SLC7A9: variants seen among roughly 807,000 people sequenced by gnomAD.
SLC7A9 encodes B(0,+)-type amino acid transporter 1.
SLC7A9 carries 38 observed loss-of-function variants against 54.1 expected under a neutral mutation model. The observed-to-expected ratio is 0.70, with a 90% confidence interval of 0.54 to 0.92. The LOEUF (loss-of-function observed/expected upper bound fraction) is 0.92, where lower values mean the gene tolerates loss of function less well. Ranked by LOEUF, SLC7A9 falls within the 40% of genes least tolerant of loss-of-function variation. The pLI, the probability that SLC7A9 is intolerant of heterozygous loss-of-function variation, is 0.00. For missense variants in SLC7A9, 537 were observed against 636.1 expected (o/e 0.84, Z 1.68); for synonymous variants, 264 against 258.9 (o/e 1.02, Z -0.19).
intron 9 of SLC7A9, 24 bp from the exon 10 acceptor site, chr19:32,843,975 C>T (rs1357516883): frequency 1.3e-6 from 2 of 1,559,562 alleles, no homozygotes; most frequent in Non-Finnish European, 1.8e-6. Flanking sequence ...ACACGGGAGT[C>T]CGCTGACCAG....
At chr19:32,864,601 G>A (rs1453028947) in intron 3 of SLC7A9, 28 bp downstream of exon 3, 2 of 1,610,966 alleles carry the variant, frequency 1.2e-6, no homozygotes, top group Middle Eastern at 1.7e-4. Context: ...TGCTTCCGGG[G>A]CTGCAACAGG....
At chr19:32,861,635 G>T (rs1334716507) in intron 6 of SLC7A9, among the ~76,000 whole-genome samples, 1 of 152,078 alleles carries the variant, frequency 6.6e-6, no homozygotes, top group Non-Finnish European at 1.5e-5. Context: ...AACACAGAGA[G>T]ACTGTCTCTA....
chr19:32,869,505 C>A (rs1334398921), intron 1 of SLC7A9, among the ~76,000 whole-genome samples, 181 bp downstream of exon 1: 1 of 152,192 alleles, frequency 6.6e-6, no homozygotes, highest in Non-Finnish European at 1.5e-5. Context: ...AGCCACCACG[C>A]CTGGCCAGGT....
intron 11 of SLC7A9, 40 bp from the exon 12 acceptor site, chr19:32,833,363 T>C: frequency 6.2e-7 from 1 of 1,609,026 alleles, no homozygotes; most frequent in Non-Finnish European, 8.5e-7. Context: ...CATTTTCTTT[T>C]TGAAATTTTT....
At chr19:32,844,321 G>A (rs1279189561) in intron 9 of SLC7A9, among the ~76,000 whole-genome samples, 1 of 152,058 alleles carries the variant, frequency 6.6e-6, no homozygotes, top group East Asian at 1.9e-4. Context: ...TTTGTGTTGG[G>A]AACATTCAAT....
intron 11 of SLC7A9, among the ~76,000 whole-genome samples, chr19:32,838,686 T>C (rs1968037073): frequency 7.3e-6 from 1 of 137,356 alleles, no homozygotes; most frequent in African/African-American, 2.6e-5. Context: ...TTTAAAGATA[T>C]TATATATGTA....
chr19:32,838,765 ACATATATG>A (rs1177841974), intron 11 of SLC7A9, among the ~76,000 whole-genome samples: 1 of 148,350 alleles, frequency 6.7e-6, no homozygotes, highest in South Asian at 2.1e-4. Context: ...ATACATATAT[ACATATATG>A]CACATATATA....
At chr19:32,837,491 TCAAAAA>T (rs1967992780) in intron 11 of SLC7A9, among the ~76,000 whole-genome samples, 1 of 19,500 alleles carries the variant, frequency 5.1e-5, no homozygotes, top group Non-Finnish European at 7.4e-5. Flanking sequence ...AGATTCCATC[TCAAAAA>T]AAAAAAAAAA....
At chr19:32,853,259 C>G (rs1255982282) in intron 9 of SLC7A9, among the ~76,000 whole-genome samples, 2 of 152,046 alleles carry the variant, frequency 1.3e-5, no homozygotes, top group Non-Finnish European at 2.9e-5. Flanking sequence ...GTTATAGAGA[C>G]AGAAGTAGAT....
At chr19:32,863,658 G>T (rs1028779203) in intron 4 of SLC7A9, among the ~76,000 whole-genome samples, 64 of 152,242 alleles carry the variant, frequency 4.2e-4, no homozygotes, top group African/African-American at 1.5e-3. Context: ...ACTGCCTGCG[G>T]CCCACCCCTA....
intron 12 of SLC7A9, among the ~76,000 whole-genome samples, chr19:32,832,359 G>T (rs1599647019): frequency 6.6e-6 from 1 of 151,908 alleles, no homozygotes; most frequent in South Asian, 2.1e-4. Flanking sequence ...GGCCGAGGTG[G>T]GTGGATCACC....
At chr19:32,860,747 A>T in intron 6 of SLC7A9, 97 bp from the exon 7 acceptor site, 1 of 1,507,048 alleles carries the variant, frequency 6.6e-7, no homozygotes, top group South Asian at 1.2e-5. Flanking sequence ...AAGATTCTCT[A>T]CCAGAGAAAA....
intron 11 of SLC7A9, among the ~76,000 whole-genome samples, chr19:32,839,694 A>G (rs1968075645): frequency 6.6e-6 from 1 of 152,152 alleles, no homozygotes; most frequent in African/African-American, 2.4e-5. Context: ...AGTAGTTTAA[A>G]TATGTTGCTC....
At chr19:32,843,983 C>T (rs62124974) in intron 9 of SLC7A9, 32 bp from the exon 10 acceptor site, 3 of 1,505,732 alleles carry the variant, frequency 2.0e-6, no homozygotes, top group African/African-American at 1.4e-5. Flanking sequence ...GTCCGCTGAC[C>T]AGAGTGCAGA....
intron 9 of SLC7A9, among the ~76,000 whole-genome samples, chr19:32,853,317 TGAG>T (rs1358141168): frequency 6.6e-6 from 1 of 152,168 alleles, no homozygotes; most frequent in Non-Finnish European, 1.5e-5. Context: ...AATTAGGCAA[TGAG>T]GAAACTTTTT....
chr19:32,862,007 TC>T (rs1968813010), intron 6 of SLC7A9, 110 bp downstream of exon 6: 1 of 794,682 alleles, frequency 1.3e-6, no homozygotes. Context: ...AATGTCAGAG[TC>T]ACACCAAACC....
Position 32,859,823 on chromosome 19 carries a change from C to G in SLC7A9, c.873+18G>C. 3.1e-6 allele frequency: 5 copies of G among 1,602,632 alleles called. No individual in the cohort carries two copies. Among genetic ancestry groups the G allele is most frequent in the Non-Finnish European group, 4.3e-6 (5 of 1,169,554 alleles). On this transcript the variant is annotated intron_variant, in intron 8 of 12. Coordinates refer to ENST00000023064, the MANE Select transcript of SLC7A9 (RefSeq NM_014270.5). The stretch of plus-strand genomic sequence containing the variant: ...CACAAGCCACAGCCCCCGCCAGCAG[C>G]GATGCCCGGGCACTCACCACAGCCA...
At chr19:32,854,744 T>C (rs1599674319) in intron 9 of SLC7A9, among the ~76,000 whole-genome samples, 1 of 152,156 alleles carries the variant, frequency 6.6e-6, no homozygotes, top group East Asian at 1.9e-4. Flanking sequence ...TCTGCCACCA[T>C]GCCCCACTAA....
Position 32,854,587 on chromosome 19 carries a change from TTTG to T in SLC7A9, c.977+3850_977+3852del, listed in dbSNP as rs577048365. On this transcript the variant is annotated intron_variant, in intron 9 of 12. Transcript: ENST00000023064. The stretch of plus-strand genomic sequence containing the variant: ...GTAACATTGGTCTGGGCAATGATTT[TTTG>T]TTGTTGTTGTTTTTGAGACGGAGTA... 3.7e-3 allele frequency among the ~76,000 whole-genome samples: 570 copies of T among 152,164 alleles called. 3 individuals are homozygous for T. The highest frequency in any genetic ancestry group is 0.037 in the Middle Eastern group (11 of 294).
Sources: allele counts gnomAD v4.1 joint callset (sites outside exome capture counted in the v4.1 genomes callset), GRCh38; gene constraint gnomAD v4.1.1; transcripts MANE v1.5; gene names NCBI Gene and HGNC (gene_info 2026-07-23, HGNC 2026-07-21).